STX8: variants seen among roughly 807,000 people sequenced by gnomAD.
STX8 encodes the protein syntaxin-8.
Under a neutral mutation model 37.5 loss-of-function variants are expected in STX8, and 23 were observed. The observed-to-expected ratio is 0.61, with a 90% CI of 0.44 to 0.87. STX8 has a LOEUF of 0.87. Ranked by LOEUF, STX8 falls within the 40% of genes least tolerant of loss-of-function variation. STX8 has a pLI of 0.00. For synonymous variants in STX8, 115 were observed against 99.1 expected (o/e 1.16, Z -0.95); for missense variants, 313 against 284.7 (o/e 1.10, Z -0.71).
intron 4 of STX8, among the ~76,000 whole-genome samples, chr17:9,523,321 A>G (rs1179304637): frequency 2.6e-5 from 4 of 151,896 alleles, no homozygotes; most frequent in Non-Finnish European, 5.9e-5. Flanking sequence ...CAAAAAAAAA[A>G]AAAAAAATCA....
chr17:9,442,598 G>T (rs1873763414), intron 6 of STX8, among the ~76,000 whole-genome samples: 1 of 152,136 alleles, frequency 6.6e-6, no homozygotes, highest in African/African-American at 2.4e-5. Flanking sequence ...TGTAGAGACG[G>T]GGTTTCACCA....
At chr17:9,575,065 A>G (rs1262912101) in intron 1 of STX8, among the ~76,000 whole-genome samples, 1 of 152,264 alleles carries the variant, frequency 6.6e-6, no homozygotes, top group Non-Finnish European at 1.5e-5. Context: ...GGTCAAGTCT[A>G]TGTTCAATAA....
rs549489976 is a variant in STX8, at chr17:9,288,183, G to GAAA, written c.644-37541_644-37539dup. ...AAAACAAAAAACCAACCTTCCCCCTGAAAAAAAAAAAAACAGAAAAAGGAA... is the reference window on the plus strand; with the variant it reads ...AAAACAAAAAACCAACCTTCCCCCTGAAAAAAAAAAAAAAAACAGAAAAAGGAA... On this transcript the variant is annotated intron_variant, in intron 7 of 7. Transcript: ENST00000306357. 4.9e-4 allele frequency among the ~76,000 whole-genome samples: 42 copies of GAAA among 84,896 alleles called. 1 individual carries two copies. The highest frequency in any genetic ancestry group is 2.5e-3 in the South Asian group (6 of 2,430). 55.7% of individuals were successfully genotyped at this position (84,896 alleles called of 152,430 possible).
At position 9,480,785 on chromosome 17, in the gene STX8, G is replaced by A. The variant is rs550552484; in HGVS notation, c.541+11044C>T. 2.0e-5 allele frequency among the ~76,000 whole-genome samples: 3 copies of A among 152,264 alleles called. No homozygotes were observed. In the East Asian group the frequency reaches 5.8e-4, roughly 29 times the overall value. ...GAAAACCTGAATTCAGACTAACACA[G>A]CCACGTAGAGAAAACCCTTTCCTCA... On this transcript the variant is annotated intron_variant, in intron 6 of 7. Transcript: ENST00000306357.
chr17:9,335,473 A>C (rs916223608), intron 7 of STX8, among the ~76,000 whole-genome samples: 1 of 152,194 alleles, frequency 6.6e-6, no homozygotes, highest in Non-Finnish European at 1.5e-5. Context: ...TCTTAAGACC[A>C]TCATAATGGC....
chr17:9,347,921 T>C (rs1334805716), intron 7 of STX8, among the ~76,000 whole-genome samples: 3 of 152,234 alleles, frequency 2.0e-5, no homozygotes, highest in African/African-American at 4.8e-5. Flanking sequence ...TTCTTTCACT[T>C]GGCATAATGT....
At chr17:9,315,389 G>C (rs1909350414) in intron 7 of STX8, among the ~76,000 whole-genome samples, 1 of 152,072 alleles carries the variant, frequency 6.6e-6, no homozygotes, top group Non-Finnish European at 1.5e-5. Context: ...ATGGACCATG[G>C]ACAGGTTCTG....
chr17:9,423,789 T>G (rs1913527689), intron 6 of STX8, among the ~76,000 whole-genome samples: 1 of 152,188 alleles, frequency 6.6e-6, no homozygotes, highest in African/African-American at 2.4e-5. Flanking sequence ...TTAGAATTTT[T>G]TCTGCCAGAA....
At chr17:9,312,040 G>T (rs1909209849) in intron 7 of STX8, among the ~76,000 whole-genome samples, 1 of 151,702 alleles carries the variant, frequency 6.6e-6, no homozygotes, top group Non-Finnish European at 1.5e-5. Context: ...GTAGAGACGG[G>T]GTTTCACCTG....
At chr17:9,290,832 G>A (rs539089188) in intron 7 of STX8, among the ~76,000 whole-genome samples, 24 of 152,328 alleles carry the variant, frequency 1.6e-4, no homozygotes, top group East Asian at 7.7e-4. Flanking sequence ...ACCCAGTCCA[G>A]GACGTACATG....
intron 6 of STX8, among the ~76,000 whole-genome samples, chr17:9,409,412 C>T (rs928041052): frequency 1.3e-5 from 2 of 152,126 alleles, no homozygotes; most frequent in African/African-American, 4.8e-5. Context: ...GTCTTAGGAG[C>T]TTGATTTTGG....
intron 5 of STX8, among the ~76,000 whole-genome samples, chr17:9,498,090 A>G (rs553951677): frequency 2.0e-5 from 3 of 152,122 alleles, no homozygotes; most frequent in Admixed American, 6.6e-5. Context: ...GGAATGAAAG[A>G]GAAGAAAATC....
At position 9,291,805 on chromosome 17, in the gene STX8, G is replaced by C. The variant is rs73976031; in HGVS notation, c.644-41160C>G. ...ACAAGATTCCTAGAGATTGAGGTTG[G>C]GGAAGAAACTGGGCTTTGAACAGTC... On this transcript the variant is annotated intron_variant, in intron 7 of 7. Coordinates refer to ENST00000306357, the MANE Select transcript of STX8 (RefSeq NM_004853.3). Among the ~76,000 whole-genome samples, 143 of 152,272 alleles carry C rather than the reference G, an allele frequency of 9.4e-4. 1 individual carries two copies. The highest frequency in any genetic ancestry group is 3.3e-3 in the African/African-American group (136 of 41,554).
At chr17:9,515,082 C>T (rs1265867745) in intron 4 of STX8, among the ~76,000 whole-genome samples, 1 of 152,156 alleles carries the variant, frequency 6.6e-6, no homozygotes, top group Non-Finnish European at 1.5e-5. Flanking sequence ...CCAAAATCTC[C>T]ACCCATACAA....
chr17:9,382,303 T>C (rs559689427), intron 6 of STX8, among the ~76,000 whole-genome samples: 5 of 152,074 alleles, frequency 3.3e-5, no homozygotes, highest in Admixed American at 1.3e-4. Context: ...GAACAAAAGA[T>C]AGATGGGATG....
chr17:9,269,736 T>C (rs1907383184), intron 7 of STX8, among the ~76,000 whole-genome samples: 1 of 152,134 alleles, frequency 6.6e-6, no homozygotes, highest in African/African-American at 2.4e-5. Flanking sequence ...AATGATCCAG[T>C]TTTCCCACCT....
chr17:9,562,152 C>T (rs1194191644), intron 2 of STX8, among the ~76,000 whole-genome samples: 1 of 151,754 alleles, frequency 6.6e-6, no homozygotes, highest in African/African-American at 2.4e-5. Flanking sequence ...GCCTGTAATC[C>T]CAGCACTTTG....
intron 6 of STX8, among the ~76,000 whole-genome samples, chr17:9,417,030 G>A (rs1220898302): frequency 6.6e-6 from 1 of 152,142 alleles, no homozygotes; most frequent in Non-Finnish European, 1.5e-5. Context: ...CTGACTCAGT[G>A]CACACAGACT....
intron 5 of STX8, among the ~76,000 whole-genome samples, chr17:9,504,807 T>C (rs1384580981): frequency 6.6e-6 from 1 of 151,184 alleles, no homozygotes; most frequent in African/African-American, 2.4e-5. Flanking sequence ...ACCCTGTCTG[T>C]ACTAAAAATA....
Sources: allele counts gnomAD v4.1 joint callset (sites outside exome capture counted in the v4.1 genomes callset), GRCh38; gene constraint gnomAD v4.1.1; transcripts MANE v1.5; gene names NCBI Gene and HGNC (gene_info 2026-07-23, HGNC 2026-07-21).